The following ANKFY1 variants were observed in gnomAD, a reference collection of about 807,000 sequenced individuals.
ANKFY1 encodes the protein ankyrin repeat and FYVE domain containing 1.
In ANKFY1, 47 loss-of-function variants were observed where a neutral mutation model predicts 128.3. That is an observed-to-expected ratio of 0.37 (90% CI 0.29 to 0.47). The LOEUF (loss-of-function observed/expected upper bound fraction) is 0.47, where lower values mean the gene tolerates loss of function less well. Among genes scored for constraint, ANKFY1 ranks in the 20% least tolerant of loss-of-function variants. ANKFY1 has a pLI of 1.00. For synonymous variants in ANKFY1, 553 were observed against 601.6 expected, an observed-to-expected ratio of 0.92 and a Z score of 1.18; for missense variants, 1,222 against 1,510.6, an observed-to-expected ratio of 0.81 and a Z score of 3.17.
chr17:4,187,012 G>A (rs1238007476), intron 11 of ANKFY1: 18 of 1,221,506 alleles, frequency 1.5e-5, no homozygotes, highest in South Asian at 1.3e-4. Context: ...TTTTAAATTC[G>A]TATTTCAGTG....
intron 16 of ANKFY1, chr17:4,180,160 G>A (rs1799048112): frequency 2.6e-6 from 1 of 389,884 alleles, no homozygotes; most frequent in Non-Finnish European, 4.7e-6. Context: ...GGATGCGGTG[G>A]CTCATGCCTC....
chr17:4,202,758 T>G (rs1472268660), intron 7 of ANKFY1, among the ~76,000 whole-genome samples: 1 of 147,848 alleles, frequency 6.8e-6, no homozygotes, highest in Non-Finnish European at 1.5e-5. Context: ...AAAGATAGGT[T>G]AATGAAAAAT....
chr17:4,236,717 T>A (rs1280248439), intron 2 of ANKFY1, among the ~76,000 whole-genome samples: 1 of 152,158 alleles, frequency 6.6e-6, no homozygotes, highest in Non-Finnish European at 1.5e-5. Context: ...TATGTTTTAT[T>A]TTCATATTCA....
At chr17:4,218,543 T>C (rs1269357640) in intron 3 of ANKFY1, among the ~76,000 whole-genome samples, 3 of 152,188 alleles carry the variant, frequency 2.0e-5, no homozygotes, top group African/African-American at 7.2e-5. Context: ...GCCCAGGAAT[T>C]CAAGACCAGT....
At chr17:4,175,484 G>T (rs985175440) in intron 19 of ANKFY1, among the ~76,000 whole-genome samples, 5 of 152,176 alleles carry the variant, frequency 3.3e-5, no homozygotes, top group Non-Finnish European at 7.3e-5. Flanking sequence ...AACAATCGCT[G>T]TAAACAGAAA....
At position 4,179,805 on chromosome 17, in the gene ANKFY1, C is replaced by G. The variant is rs765306562; in HGVS notation, c.2313G>C (p.Gln771His). ...AAGAGGCTGCCAAATGCAAAGGGGT[C>G]TGCCCATCTCTAGCCTCTTCCTCTC... ...GEGEEEARDG[Q>H]TPLHLAASWG... The change falls in exon 17 of 25, where the codon CAG becomes CAC. Residue 771 changes from glutamine to histidine, a missense_variant. Coordinates refer to ENST00000341657, the MANE Select transcript of ANKFY1 (RefSeq NM_001330063.2). The G allele has an allele frequency of 1.1e-5, 18 of 1,614,236 alleles. 1 individual carries two copies. The South Asian group carries it at 2.0e-4, about 18-fold the overall frequency.
At chr17:4,228,437 G>T (rs1335570751) in intron 3 of ANKFY1, among the ~76,000 whole-genome samples, 1 of 150,092 alleles carries the variant, frequency 6.7e-6, no homozygotes, top group Non-Finnish European at 1.5e-5. Flanking sequence ...TTTTTCTTGA[G>T]ACAGAGTCTC....
intron 22 of ANKFY1, among the ~76,000 whole-genome samples, chr17:4,171,912 G>T (rs1454196621): frequency 3.3e-5 from 5 of 152,212 alleles, no homozygotes; most frequent in Non-Finnish European, 7.3e-5. Context: ...TCTGGGCTGG[G>T]ATGAGACATC....
intron 1 of ANKFY1, chr17:4,249,042 T>TA (rs1322230411): frequency 1.4e-6 from 1 of 736,006 alleles, no homozygotes; most frequent in Non-Finnish European, 1.7e-6. Context: ...TAGCCTAAAA[T>TA]AAAGAGTGCA....
intron 11 of ANKFY1, among the ~76,000 whole-genome samples, 199 bp downstream of exon 11, chr17:4,189,183 G>A (rs1243573259): frequency 6.6e-6 from 1 of 152,172 alleles, no homozygotes; most frequent in African/African-American, 2.4e-5. Context: ...CTTAGGAAAT[G>A]GCTGCTGAAT....
In ANKFY1 at chr17:4,181,629, T is replaced by C. The variant is rs997772286; in HGVS notation, c.2122-257A>G. On this transcript the variant is annotated intron_variant, in intron 15 of 24. Transcript: ENST00000341657. This position sits in a 1 kb window ranked among gnomAD's most constrained non-coding sequence, Gnocchi z 4.9. The stretch of plus-strand genomic sequence containing the variant: ...ACAAGTTATGTTTAATTTGTGTCCT[T>C]TAGAGCTGAGTTCTAGAAGGGACAG... Among the ~76,000 whole-genome samples the C allele has an allele frequency of 1.1e-4, 16 of 152,198 alleles. No homozygotes were observed. Among genetic ancestry groups the C allele is most frequent in the Admixed American group, 3.3e-4 (5 of 15,280 alleles).
At chr17:4,247,141 AAG>A (rs924493257) in intron 1 of ANKFY1, among the ~76,000 whole-genome samples, 6 of 151,846 alleles carry the variant, frequency 4.0e-5, no homozygotes, top group Admixed American at 3.9e-4. Context: ...GAAAAAGAAA[AAG>A]AAAAAAAAAT....
In ANKFY1 at chr17:4,244,316, AG is replaced by A. The variant is rs1245347207; in HGVS notation, c.11-1869del. Among the ~76,000 whole-genome samples, 5 of 152,356 alleles carry A rather than the reference AG, an allele frequency of 3.3e-5. No individual in the cohort carries two copies. In the South Asian group the frequency reaches 1.0e-3, roughly 32 times the overall value. ...AATTACAACTCTACATTAGAGAGCT[AG>A]AAGGTAAAAACAGCTATGAGAGCCT... On this transcript the variant is annotated intron_variant, in intron 1 of 24. Transcript: ENST00000341657.
At chr17:4,228,766 C>T (rs1256933860) in intron 3 of ANKFY1, among the ~76,000 whole-genome samples, 2 of 152,114 alleles carry the variant, frequency 1.3e-5, no homozygotes, top group Non-Finnish European at 2.9e-5. Flanking sequence ...CAGGTGTATT[C>T]GTATGTCAAA....
rs776707196 is a variant in ANKFY1 at position 4,170,812 on chromosome 17, G to A, written c.3189C>T (p.Ile1063=). ...MKGNANLCRA[I]VRSGARLGVN... The stretch of plus-strand genomic sequence containing the variant: ...CCCCGAGGCGAGCCCCCGACCGGAC[G>A]ATGGCGCGGCACAAGTTGGCGTTCC... The change falls in exon 23 of 25, where the codon ATC becomes ATT. Residue 1063 remains isoleucine (I), a synonymous_variant. Transcript: ENST00000341657. 2.4e-5 allele frequency: 39 copies of A among 1,614,104 alleles called. No homozygotes were observed. The highest frequency in any genetic ancestry group is 3.1e-5 in the Non-Finnish European group (36 of 1,180,052).
At chr17:4,180,370 G>A (rs1317539533) in intron 16 of ANKFY1, 1 of 154,914 alleles carries the variant, frequency 6.5e-6, no homozygotes, top group Non-Finnish European at 1.4e-5. Context: ...CCAGGAGGCA[G>A]AGGTGGCAGT....
chr17:4,227,938 T>A (rs2060451977), intron 3 of ANKFY1, among the ~76,000 whole-genome samples: 1 of 152,118 alleles, frequency 6.6e-6, no homozygotes, highest in Admixed American at 6.5e-5. Context: ...AAATGGTACA[T>A]CCATTTTGCA....
chr17:4,194,946 A>G, intron 10 of ANKFY1, 32 bp downstream of exon 10: 4 of 1,613,240 alleles, frequency 2.5e-6, no homozygotes, highest in Non-Finnish European at 3.4e-6. Flanking sequence ...TGCAGACCCC[A>G]GCGTCGCCCC....
intron 1 of ANKFY1, among the ~76,000 whole-genome samples, chr17:4,263,272 C>G (rs1436492324): frequency 2.0e-5 from 3 of 152,202 alleles, no homozygotes; most frequent in Admixed American, 1.3e-4. Context: ...AGGCACTGGA[C>G]GGGGAGGCAA....
Sources: gnomAD v4.1 joint callset for allele counts (sites outside exome capture counted in the v4.1 genomes callset) on GRCh38, gnomAD v4.1.1 for gene constraint, Gnocchi (gnomAD v3.1) non-coding constraint, MANE v1.5 for transcripts, NCBI Gene and HGNC (gene_info 2026-07-23, HGNC 2026-07-21) for gene names.